Variants in CDH12 observed in about 807,000 individuals in gnomAD.
CDH12 encodes cadherin-12.
A neutral mutation model predicts 74.1 loss-of-function variants in CDH12; 41 were observed. The ratio of observed to expected loss-of-function variants is 0.55; its 90% CI spans 0.43 to 0.72. The LOEUF is 0.72. Ranked by LOEUF, CDH12 falls within the 30% of genes least tolerant of loss-of-function variation. CDH12 has a pLI of 0.00. For synonymous variants in CDH12, 399 were observed against 355.0 expected (o/e 1.12, Z -1.39); for missense variants, 945 against 977.2 (o/e 0.97, Z 0.44).
chr5:22,082,618 C>T (rs537024572), intron 4 of CDH12, among the ~76,000 whole-genome samples: 27 of 152,282 alleles, frequency 1.8e-4, no homozygotes, highest in Admixed American at 4.6e-4. Context: ...AGTTGATCAC[C>T]GGTTACTGAA....
intron 5 of CDH12, among the ~76,000 whole-genome samples, chr5:22,077,741 T>C (rs1177740960): frequency 6.6e-6 from 1 of 152,074 alleles, no homozygotes; most frequent in Non-Finnish European, 1.5e-5. Flanking sequence ...CTGAAACAGA[T>C]AGTTGCCACC....
chr5:21,855,628 A>G (rs1211334353), intron 6 of CDH12, among the ~76,000 whole-genome samples: 1 of 151,616 alleles, frequency 6.6e-6, no homozygotes, highest in Non-Finnish European at 1.5e-5. Context: ...ACATATATAT[A>G]TATGTATGTG....
chr5:22,632,706 A>G (rs1479581177), intron 1 of CDH12, among the ~76,000 whole-genome samples: 1 of 152,156 alleles, frequency 6.6e-6, no homozygotes, highest in East Asian at 1.9e-4. Flanking sequence ...TAACAAACGC[A>G]TAATAGGAAT....
At chr5:22,655,035 T>A (rs1374479264) in intron 1 of CDH12, among the ~76,000 whole-genome samples, 2 of 152,212 alleles carry the variant, frequency 1.3e-5, no homozygotes, top group African/African-American at 2.4e-5. Context: ...ATCTAACTTA[T>A]CTACCCTCAC....
chr5:22,368,425 A>G (rs1027855923), intron 3 of CDH12, among the ~76,000 whole-genome samples: 74 of 151,022 alleles, frequency 4.9e-4, no homozygotes, highest in African/African-American at 1.7e-3. Flanking sequence ...CAGTCTCCCA[A>G]GTTGCTGGGA....
chr5:22,200,303 G>A (rs1750855647), intron 4 of CDH12, among the ~76,000 whole-genome samples: 1 of 152,086 alleles, frequency 6.6e-6, no homozygotes, highest in Non-Finnish European at 1.5e-5. Flanking sequence ...AGATCAAAAA[G>A]CCGGAGAATA....
chr5:22,823,915 A>G (rs1433540433), intron 1 of CDH12, among the ~76,000 whole-genome samples: 1 of 152,196 alleles, frequency 6.6e-6, no homozygotes, highest in African/African-American at 2.4e-5. Flanking sequence ...CAGTCTCAGG[A>G]AGTTCTTTAT....
chr5:22,828,476 T>A (rs556808261), intron 1 of CDH12, among the ~76,000 whole-genome samples: 1 of 152,318 alleles, frequency 6.6e-6, no homozygotes, highest in Non-Finnish European at 1.5e-5. Flanking sequence ...TTAAAGGTTA[T>A]ATACATACTT....
chr5:22,804,487 A>T (rs534363607), intron 1 of CDH12, among the ~76,000 whole-genome samples: 15 of 152,286 alleles, frequency 9.8e-5, no homozygotes, highest in Admixed American at 5.2e-4. Flanking sequence ...GCTGGAAACC[A>T]AGAAAGGAGG....
intron 3 of CDH12, among the ~76,000 whole-genome samples, chr5:22,241,991 T>C (rs576882886): frequency 1.3e-5 from 2 of 152,124 alleles, no homozygotes; most frequent in African/African-American, 2.4e-5. Context: ...GAGACAGATA[T>C]GGTAATAAGG....
At chr5:22,489,135 G>GCAAGCTC (rs777425621) in intron 2 of CDH12, among the ~76,000 whole-genome samples, 2 of 137,924 alleles carry the variant, frequency 1.5e-5, no homozygotes, top group East Asian at 4.5e-4. Flanking sequence ...TCGGCTCACT[G>GCAAGCTC]CAAGCTCCAC....
At chr5:22,112,488 A>G (rs1744871915) in intron 4 of CDH12, among the ~76,000 whole-genome samples, 1 of 152,166 alleles carries the variant, frequency 6.6e-6, no homozygotes, top group Non-Finnish European at 1.5e-5. Flanking sequence ...TAATCCAAAC[A>G]CACGCTAATT....
At chr5:22,824,500 C>G (rs1749905023) in intron 1 of CDH12, among the ~76,000 whole-genome samples, 1 of 151,956 alleles carries the variant, frequency 6.6e-6, no homozygotes, top group Non-Finnish European at 1.5e-5. Context: ...CCAATATGAT[C>G]AGTAGTGAGG....
intron 6 of CDH12, among the ~76,000 whole-genome samples, chr5:21,917,591 ATCTT>A (rs1235814464): frequency 1.3e-5 from 2 of 152,188 alleles, no homozygotes; most frequent in African/African-American, 4.8e-5. Context: ...AGTCTAGTGT[ATCTT>A]TATTTTCTAT....
intron 4 of CDH12, among the ~76,000 whole-genome samples, chr5:22,187,142 T>C (rs776572035): frequency 6.6e-6 from 1 of 152,220 alleles, no homozygotes; most frequent in South Asian, 2.1e-4. Context: ...CTGATTGCTC[T>C]TATGCAAACA....
chr5:22,150,165 A>AG (rs2150308558), intron 4 of CDH12, among the ~76,000 whole-genome samples: 1 of 152,182 alleles, frequency 6.6e-6, no homozygotes, highest in South Asian at 2.1e-4. Context: ...AGGTATGAAT[A>AG]TTCTGTAGAA....
rs563338030 is a variant in CDH12, at chr5:22,301,980, T to C, written c.-332-89337A>G. Among the ~76,000 whole-genome samples, 4 of 149,746 alleles carry C rather than the reference T, an allele frequency of 2.7e-5. No individual in the cohort carries two copies. In the East Asian group the frequency reaches 5.9e-4, roughly 22 times the overall value. On this transcript the variant is annotated intron_variant, in intron 3 of 14. Coordinates refer to ENST00000382254, the MANE Select transcript of CDH12 (RefSeq NM_004061.5). ...CACTGCTCCCAGCCCATCTACTTTA[T>C]AAAAACATATAGGTACATATATATA...
chr5:21,833,750 T>C (rs1749372747), intron 8 of CDH12, among the ~76,000 whole-genome samples: 1 of 151,590 alleles, frequency 6.6e-6, no homozygotes, highest in South Asian at 2.1e-4. Context: ...ACCACAAAAC[T>C]TATCTAAAAT....
At chr5:22,439,526 A>T (rs1744538418) in intron 2 of CDH12, among the ~76,000 whole-genome samples, 1 of 152,066 alleles carries the variant, frequency 6.6e-6, no homozygotes, top group South Asian at 2.1e-4. Context: ...CAATATAGAC[A>T]TTTTGCCTTT....
Sources: allele counts gnomAD v4.1 joint callset (sites outside exome capture counted in the v4.1 genomes callset), GRCh38; gene constraint gnomAD v4.1.1; transcripts MANE v1.5; gene names NCBI Gene and HGNC (gene_info 2026-07-23, HGNC 2026-07-21).